Variants in SBF2 observed in about 807,000 individuals in gnomAD.
SBF2 encodes the protein myotubularin-related protein 13.
A neutral mutation model predicts 225.2 loss-of-function variants in SBF2; 112 were observed. The ratio of observed to expected loss-of-function variants is 0.50; its 90% CI spans 0.43 to 0.58. The LOEUF is 0.58. SBF2 is among the 20% of genes least tolerant of loss of function. The pLI is 0.00. For synonymous variants in SBF2, 763 were observed against 773.3 expected (o/e 0.99, Z 0.22); for missense variants, 1,996 against 2,206.2 (o/e 0.90, Z 1.91).
In SBF2 at chr11:9,806,196, T is replaced by C. The variant is rs533305974; in HGVS notation, c.4443+1804A>G. Among the ~76,000 whole-genome samples, 4 of 152,322 alleles carry C rather than the reference T, an allele frequency of 2.6e-5. No individual in the cohort carries two copies. In the South Asian group the frequency reaches 8.3e-4, roughly 32 times the overall value. On this transcript the variant is annotated intron_variant, in intron 32 of 39. Coordinates refer to ENST00000256190, the MANE Select transcript of SBF2 (RefSeq NM_030962.4). ...ATCAAAGAAGTCTATACCTGACTCA[T>C]TAGAAATACATATAAAGTGGGAGCG...
At chr11:10,196,866 A>ATATATTTTTTTTTTT in intron 1 of SBF2, among the ~76,000 whole-genome samples, 3 of 99,314 alleles carry the variant, frequency 3.0e-5, no homozygotes, top group Non-Finnish European at 5.9e-5. Context: ...ATATATATAT[A>ATATATTTTTTTTTTT]TTTTTTTTTT....
intron 13 of SBF2, among the ~76,000 whole-genome samples, chr11:9,983,886 T>G (rs1947073233): frequency 6.6e-6 from 1 of 152,180 alleles, no homozygotes; most frequent in African/African-American, 2.4e-5. Flanking sequence ...GGGAGAGTAC[T>G]ACACCAAGAG....
At chr11:9,954,732 T>A (rs966982230) in intron 16 of SBF2, among the ~76,000 whole-genome samples, 1 of 152,232 alleles carries the variant, frequency 6.6e-6, no homozygotes, top group African/African-American at 2.4e-5. Context: ...TTTCTAGAAA[T>A]ATGATTATTC....
intron 16 of SBF2, among the ~76,000 whole-genome samples, chr11:9,914,353 G>T (rs778634721): frequency 1.3e-5 from 2 of 152,164 alleles, no homozygotes; most frequent in African/African-American, 4.8e-5. Context: ...CATGGCTGAG[G>T]AAAGAATCTC....
chr11:9,817,005 G>A lies in SBF2; in HGVS notation c.3813C>T (p.Arg1271=), dbSNP rs1225083386. 1.2e-6 allele frequency: 2 copies of A among 1,614,148 alleles called. No homozygotes were observed. Among genetic ancestry groups the A allele is most frequent in the South Asian group, 2.2e-5 (2 of 91,086 alleles). Residue 1271 remains arginine, a synonymous_variant, in exon 29 of 40, where the codon CGC becomes CGT. Coordinates refer to ENST00000256190, the MANE Select transcript of SBF2 (RefSeq NM_030962.4). ...GAGAGCTGATCAAGCGAGTGCTAGA[G>A]CGAAGACTTGCCCACACACCTTCAC... is the stretch of plus-strand genomic sequence containing the variant. ...ALSPGVWASL[R]SSTRLISSPT...
intron 2 of SBF2, among the ~76,000 whole-genome samples, chr11:10,137,456 A>G (rs555592285): frequency 6.6e-6 from 1 of 152,306 alleles, no homozygotes; most frequent in African/African-American, 2.4e-5. Context: ...GTGAGAGCAG[A>G]CATCCTTTCT....
chr11:10,045,843 C>A (rs564016180), intron 2 of SBF2, among the ~76,000 whole-genome samples: 2 of 151,974 alleles, frequency 1.3e-5, no homozygotes, highest in East Asian at 3.9e-4. Flanking sequence ...CAGAAAGCAC[C>A]AGGCCCAGAT....
chr11:9,858,143 T>A, intron 18 of SBF2, 83 bp downstream of exon 18: 1 of 1,492,922 alleles, frequency 6.7e-7, no homozygotes, highest in Non-Finnish European at 9.3e-7. Flanking sequence ...GTAGCTAGAG[T>A]TTTTTTTGCC....
At chr11:10,106,705 T>G (rs781591525) in intron 2 of SBF2, among the ~76,000 whole-genome samples, 1 of 150,828 alleles carries the variant, frequency 6.6e-6, no homozygotes, top group Admixed American at 6.6e-5. Flanking sequence ...TGAAATACAC[T>G]TATAAAGTAA....
At chr11:9,878,292 A>G (rs1026527273) in intron 17 of SBF2, among the ~76,000 whole-genome samples, 10 of 152,128 alleles carry the variant, frequency 6.6e-5, no homozygotes, top group African/African-American at 2.4e-4. Context: ...TCTGGATATT[A>G]GTCCTTTGTC....
At chr11:9,953,654 C>A (rs558207718) in intron 16 of SBF2, among the ~76,000 whole-genome samples, 101 of 152,218 alleles carry the variant, frequency 6.6e-4, no homozygotes, top group Admixed American at 1.0e-3. Flanking sequence ...CTTATAGAGG[C>A]CAAGGGTGTA....
At chr11:10,293,660 C>G (rs577138183) in intron 1 of SBF2, among the ~76,000 whole-genome samples, 1 of 152,332 alleles carries the variant, frequency 6.6e-6, no homozygotes, top group Non-Finnish European at 1.5e-5. Flanking sequence ...CAGTTGGCTC[C>G]CGCCCTCCCA....
chr11:10,089,338 T>C (rs1230273895), intron 2 of SBF2, among the ~76,000 whole-genome samples: 1 of 152,242 alleles, frequency 6.6e-6, no homozygotes, highest in Non-Finnish European at 1.5e-5. Context: ...TGGAAAATCA[T>C]TATGCAGAGC....
chr11:9,809,732 G>C (rs1201730340), intron 30 of SBF2, among the ~76,000 whole-genome samples: 1 of 151,920 alleles, frequency 6.6e-6, no homozygotes, highest in Non-Finnish European at 1.5e-5. Context: ...TTTTAGTAGA[G>C]ACGAGGTTTC....
chr11:10,240,055 T>A (rs903338630), intron 1 of SBF2, among the ~76,000 whole-genome samples: 1 of 152,130 alleles, frequency 6.6e-6, no homozygotes, highest in Non-Finnish European at 1.5e-5. Flanking sequence ...TTAGTATTGG[T>A]AGTTATATCC....
At chr11:10,054,785 G>A (rs1285519356) in intron 2 of SBF2, among the ~76,000 whole-genome samples, 1 of 152,058 alleles carries the variant, frequency 6.6e-6, no homozygotes, top group Admixed American at 6.5e-5. Flanking sequence ...TATACAAACG[G>A]CCAGGAAACA....
chr11:9,974,975 AAAAAAAAAAAAAAG>A (rs1565082759), intron 13 of SBF2, among the ~76,000 whole-genome samples: 9 of 131,694 alleles, frequency 6.8e-5, no homozygotes, highest in African/African-American at 2.5e-4. Context: ...AAAAAAAAAA[AAAAAAAAAAAAAAG>A]AAAAAAAGAA....
At chr11:9,974,976 A>AAAAAAAAAAAAAAAAAAAAAAAAAG (rs1946616940) in intron 13 of SBF2, among the ~76,000 whole-genome samples, 1 of 132,088 alleles carries the variant, frequency 7.6e-6, no homozygotes, top group Non-Finnish European at 1.5e-5. Flanking sequence ...AAAAAAAAAA[A>AAAAAAAAAAAAAAAAAAAAAAAAAG]AAAAAAAAAA....
intron 30 of SBF2, chr11:9,811,051 T>G (rs956979658): frequency 6.6e-6 from 1 of 152,188 alleles, no homozygotes; most frequent in Non-Finnish European, 1.5e-5. Flanking sequence ...TGAGCTTATG[T>G]CCTTTGCAGT....
Sources: allele counts gnomAD v4.1 joint callset (sites outside exome capture counted in the v4.1 genomes callset), GRCh38; gene constraint gnomAD v4.1.1; transcripts MANE v1.5; gene names NCBI Gene and HGNC (gene_info 2026-07-23, HGNC 2026-07-21).